Variants in FAM169A observed in about 807,000 individuals in gnomAD.
FAM169A encodes family with sequence similarity 169 member A.
In FAM169A, 24 loss-of-function variants were observed where a neutral mutation model predicts 75.7. That is an observed-to-expected ratio of 0.32 (90% CI 0.23 to 0.45). FAM169A has a LOEUF of 0.45. Among genes scored for constraint, FAM169A ranks in the 20% least tolerant of loss-of-function variants. The pLI is 1.00. For synonymous variants in FAM169A, 271 were observed against 271.0 expected (o/e 1.00, Z 0.00); for missense variants, 673 against 784.0 (o/e 0.86, Z 1.69).
At chr5:74,844,096 T>C (rs1295873454) in intron 1 of FAM169A, among the ~76,000 whole-genome samples, 2 of 152,196 alleles carry the variant, frequency 1.3e-5, no homozygotes, top group African/African-American at 2.4e-5. Context: ...AAAATATAAA[T>C]TAAAAGTAAC....
At chr5:74,797,948 G>C (rs529285910) in intron 10 of FAM169A, among the ~76,000 whole-genome samples, 1 of 152,048 alleles carries the variant, frequency 6.6e-6, no homozygotes, top group Non-Finnish European at 1.5e-5. Flanking sequence ...AATGAGCATG[G>C]GTGTCTTACA....
chr5:74,801,511 A>ACATG (rs1437651984), intron 9 of FAM169A, 79 bp downstream of exon 9: 8 of 1,081,696 alleles, frequency 7.4e-6, no homozygotes, highest in Non-Finnish European at 1.0e-5. Flanking sequence ...CACCACACAC[A>ACATG]CATGCATGCA....
chr5:74,798,472 T>A (rs1016029809), intron 10 of FAM169A, among the ~76,000 whole-genome samples: 6 of 152,232 alleles, frequency 3.9e-5, no homozygotes, highest in African/African-American at 1.4e-4. Context: ...TAGATTTAAA[T>A]ATTTCCTTAT....
intron 1 of FAM169A, among the ~76,000 whole-genome samples, chr5:74,857,572 G>GA (rs35476827): frequency 0.074 from 4,141 of 55,640 alleles, 255 homozygotes; most frequent in Non-Finnish European, 0.11. Flanking sequence ...CTTGCCGCGG[G>GA]AAAAAAAAAA....
chr5:74,855,762 G>C (rs1331010459), intron 1 of FAM169A, among the ~76,000 whole-genome samples: 1 of 152,064 alleles, frequency 6.6e-6, no homozygotes, highest in Non-Finnish European at 1.5e-5. Flanking sequence ...TGTTTCCTTT[G>C]CTATGCAGAA....
chr5:74,864,117 G>A (rs567599432), intron 1 of FAM169A, among the ~76,000 whole-genome samples: 12 of 152,300 alleles, frequency 7.9e-5, no homozygotes, highest in Admixed American at 3.9e-4. Flanking sequence ...CAAAATTAGT[G>A]GGAGAGTCTT....
In FAM169A at chr5:74,781,679, G is replaced by A. The variant is rs763342531; in HGVS notation, c.1794C>T (p.Asp598=). ...QSSLIEVELE[D]VPFSQNAGQK... Reference sequence around the variant, plus strand: ...GTCCTGCATTCTGTGAAAATGGCACGTCTTCAAGTTCAACCTCTATCAAAG... The same window carrying A: ...GTCCTGCATTCTGTGAAAATGGCACATCTTCAAGTTCAACCTCTATCAAAG... Residue 598 remains aspartate, a synonymous_variant, in exon 13 of 13, where the codon GAC becomes GAT. Coordinates refer to ENST00000687041, the MANE Select transcript of FAM169A (RefSeq NM_001376049.1). 5.0e-6 allele frequency: 8 copies of A among 1,614,140 alleles called. No homozygotes were observed. The highest frequency in any genetic ancestry group is 2.2e-5 in the East Asian group (1 of 44,884).
intron 5 of FAM169A, among the ~76,000 whole-genome samples, chr5:74,829,392 G>A (rs944031368): frequency 2.0e-5 from 3 of 152,144 alleles, no homozygotes; most frequent in Admixed American, 6.5e-5. Flanking sequence ...AAGTCACCAC[G>A]CAGGTCCAAG....
At position 74,781,697 on chromosome 5, in the gene FAM169A, T is replaced by C; in HGVS notation, c.1776A>G (p.Ile592Met). 6.2e-7 allele frequency: 1 copy of C among 1,614,126 alleles called. No homozygotes were observed. Among genetic ancestry groups the C allele is most frequent in the Non-Finnish European group, 8.5e-7 (1 of 1,179,996 alleles). The stretch of plus-strand genomic sequence containing the variant: ...ATGGCACGTCTTCAAGTTCAACCTC[T>C]ATCAAAGAACTCTGAGGAAGAGCAG... Reference protein sequence around the residue: ...TSTALPQSSLIEVELEDVPFS... With the variant: ...TSTALPQSSLMEVELEDVPFS... Residue 592 changes from isoleucine (I) to methionine (M), a missense_variant, in exon 13 of 13, where the codon ATA becomes ATG. By Grantham distance (10) the Ile-to-Met change is conservative. Coordinates refer to ENST00000687041, the MANE Select transcript of FAM169A (RefSeq NM_001376049.1).
At chr5:74,838,819 C>T (rs1748702693) in intron 4 of FAM169A, 146 bp downstream of exon 4, 2 of 674,872 alleles carry the variant, frequency 3.0e-6, no homozygotes, top group East Asian at 5.0e-5. Context: ...AACCCGAATG[C>T]TGGCTTCATC....
At chr5:74,799,888 C>T in intron 10 of FAM169A, 1 of 973,188 alleles carries the variant, frequency 1.0e-6, no homozygotes, top group Non-Finnish European at 1.7e-6. Context: ...AACATGTCTG[C>T]CATGGAATGC....
intron 1 of FAM169A, among the ~76,000 whole-genome samples, chr5:74,861,435 A>G (rs961273128): frequency 1.3e-5 from 2 of 152,160 alleles, no homozygotes; most frequent in Non-Finnish European, 1.5e-5. Flanking sequence ...CCAAAACTAA[A>G]TAACGTATAT....
At chr5:74,784,622 A>G (rs978841968) in intron 11 of FAM169A, among the ~76,000 whole-genome samples, 3 of 149,712 alleles carry the variant, frequency 2.0e-5, no homozygotes, top group African/African-American at 4.9e-5. Context: ...AAAAAAAAAA[A>G]AAAAAAAAAA....
upstream of FAM169A, chr5:74,866,514 G>T (rs1750357559): frequency 1.6e-6 from 1 of 616,858 alleles, no homozygotes; most frequent in Non-Finnish European, 2.0e-6. Context: ...CTCCAGCCCC[G>T]GCTTTCAGGC....
intron 1 of FAM169A, among the ~76,000 whole-genome samples, chr5:74,842,221 G>C (rs185358260): frequency 2.6e-5 from 4 of 151,336 alleles, no homozygotes; most frequent in African/African-American, 9.7e-5. Context: ...AGGAGTTCAA[G>C]ACCAGCCTGG....
At chr5:74,857,036 G>A (rs1749744796) in intron 1 of FAM169A, among the ~76,000 whole-genome samples, 1 of 149,414 alleles carries the variant, frequency 6.7e-6, no homozygotes, top group Non-Finnish European at 1.5e-5. Context: ...GTGAATCCCG[G>A]AGCCGGAGGT....
At chr5:74,807,194 C>G (rs574916704) in intron 6 of FAM169A, among the ~76,000 whole-genome samples, 1 of 152,288 alleles carries the variant, frequency 6.6e-6, no homozygotes, top group Non-Finnish European at 1.5e-5. Flanking sequence ...TACACCTAAC[C>G]TATCAAACAT....
chr5:74,789,196 G>A (rs1039648682), intron 11 of FAM169A, among the ~76,000 whole-genome samples: 94 of 152,198 alleles, frequency 6.2e-4, no homozygotes, highest in Non-Finnish European at 1.3e-3. Flanking sequence ...TAACATTGAT[G>A]ACATTATGCT....
Position 74,814,006 on chromosome 5 carries a change from G to C in FAM169A, c.504C>G (p.Ala168=), listed in dbSNP as rs1353451140. The C allele has an allele frequency of 6.4e-7, 1 of 1,572,978 alleles. No individual in the cohort carries two copies. The highest frequency in any genetic ancestry group is 8.6e-7 in the Non-Finnish European group (1 of 1,165,094). The change falls in exon 6 of 13, where the codon GCC becomes GCG. Residue 168 remains alanine (A), a synonymous_variant. Coordinates refer to ENST00000687041, the MANE Select transcript of FAM169A (RefSeq NM_001376049.1). ...YSVKPTGSIC[A]SFLTQSYQLP... is the part of the protein sequence containing the mutation. ...ATTGGTAACTTTGGGTAAGAAAAGAGGCACATATGCTTCCTGCAGTAATAA... is the reference window on the plus strand; with the variant it reads ...ATTGGTAACTTTGGGTAAGAAAAGACGCACATATGCTTCCTGCAGTAATAA...
Sources: gnomAD v4.1 joint callset for allele counts (sites outside exome capture counted in the v4.1 genomes callset) on GRCh38, gnomAD v4.1.1 for gene constraint, MANE v1.5 for transcripts, NCBI Gene and HGNC (gene_info 2026-07-23, HGNC 2026-07-21) for gene names.